C2CD2: variants seen among roughly 807,000 people sequenced by gnomAD.
The protein encoded by C2CD2 is C2 calcium dependent domain containing 2.
A neutral mutation model predicts 74.3 loss-of-function variants in C2CD2; 43 were observed. That is an observed-to-expected ratio of 0.58 (90% CI 0.45 to 0.75). C2CD2 has a LOEUF of 0.75. C2CD2 is among the 30% of genes least tolerant of loss of function. The probability of loss-of-function intolerance (pLI) is 0.00; values close to 1 mark genes in which losing one functional copy is unlikely to be tolerated. For synonymous variants in C2CD2, 422 were observed against 390.7 expected, an observed-to-expected ratio of 1.08 and a Z score of -0.94; for missense variants, 801 against 916.3, an observed-to-expected ratio of 0.87 and a Z score of 1.63.
chr21:41,920,991 G>A (rs1193091503), intron 3 of C2CD2, among the ~76,000 whole-genome samples: 1 of 152,200 alleles, frequency 6.6e-6, no homozygotes, highest in African/African-American at 2.4e-5. Context: ...AATCCACGAT[G>A]CCAACTCTTC....
chr21:41,942,406 C>G (rs1247411470), intron 1 of C2CD2, among the ~76,000 whole-genome samples, 161 bp from the exon 2 acceptor site: 1 of 152,184 alleles, frequency 6.6e-6, no homozygotes, highest in Admixed American at 6.5e-5. Flanking sequence ...ATCAGGAGCT[C>G]TGCACATCCA....
intron 2 of C2CD2, among the ~76,000 whole-genome samples, chr21:41,922,506 A>T (rs1211337558): frequency 6.6e-5 from 9 of 137,340 alleles, no homozygotes; most frequent in African/African-American, 2.5e-4. Context: ...ACGGAGTCTC[A>T]CTCTGTCACC....
At chr21:41,900,248 T>C (rs989267612) in intron 12 of C2CD2, among the ~76,000 whole-genome samples, 2 of 152,256 alleles carry the variant, frequency 1.3e-5, no homozygotes, top group Admixed American at 1.3e-4. Flanking sequence ...CACTCCAGCC[T>C]GGGTGACAGA....
chr21:41,896,857 T>C (rs1601547725), intron 13 of C2CD2, among the ~76,000 whole-genome samples: 1 of 152,308 alleles, frequency 6.6e-6, no homozygotes, highest in East Asian at 1.9e-4. Context: ...CTCACAGAGA[T>C]GCTAATTACA....
chr21:41,909,473 C>T lies in C2CD2; in HGVS notation c.1004G>A (p.Gly335Glu). 6.2e-7 allele frequency: 1 copy of T among 1,613,670 alleles called. No individual in the cohort carries two copies. Residue 335 changes from glycine (G) to glutamate (E), a missense_variant, in exon 8 of 14, where the codon GGG (glycine) becomes GAG (glutamate). Transcript: ENST00000380486. ...GCTCAACCCACCTTCTGAGGATCGC[C>T]CAGCCTCTGAAATCTGCAGGTGTAA... Reference protein sequence around the residue: ...KELHLQISEAGRSSEGLLATA... With the variant: ...KELHLQISEAERSSEGLLATA...
Position 41,924,694 on chromosome 21 carries a change from TA to T in C2CD2, c.379-2610del, listed in dbSNP as rs2065190263. 7.2e-6 allele frequency among the ~76,000 whole-genome samples: 1 copy of T among 139,142 alleles called. No homozygotes were observed. The highest frequency in any genetic ancestry group is 6.9e-5 in the Admixed American group (1 of 14,492). The allele number at this position is 139,142 out of a possible 152,430, so 91.3% of individuals were successfully genotyped here. A position where few individuals can be genotyped will look rare whatever the true frequency, so the allele number is the denominator to read the frequency against. On this transcript the variant is annotated intron_variant, in intron 2 of 13. Transcript: ENST00000380486. The surrounding 1 kb of genome is among the most constrained non-coding windows in gnomAD (Gnocchi z 4.4). ...AGCCCACTCCTTTTACTGCTTAAAG[TA>T]AAAAATAAAAAATAAAAATAAATTT...
intron 12 of C2CD2, 24 bp downstream of exon 12, chr21:41,901,598 C>T (rs1417416706): frequency 6.2e-7 from 1 of 1,613,850 alleles, no homozygotes; most frequent in African/African-American, 1.3e-5. Flanking sequence ...CAGATGAACA[C>T]CTCCCCAGCC....
At chr21:41,915,876 C>T (rs1316188212) in intron 5 of C2CD2, among the ~76,000 whole-genome samples, 1 of 152,168 alleles carries the variant, frequency 6.6e-6, no homozygotes, top group Admixed American at 6.5e-5. Flanking sequence ...TCGTTGCAAG[C>T]ATTCAGGGAC....
intron 2 of C2CD2, among the ~76,000 whole-genome samples, chr21:41,922,437 T>C (rs983312487): frequency 1.3e-5 from 2 of 151,402 alleles, no homozygotes; most frequent in African/African-American, 4.9e-5. Flanking sequence ...AGTGCTGGGA[T>C]TGCAGGCATG....
At chr21:41,941,820 T>C (rs965286879) in intron 2 of C2CD2, among the ~76,000 whole-genome samples, 1 of 152,190 alleles carries the variant, frequency 6.6e-6, no homozygotes, top group African/African-American at 2.4e-5. Flanking sequence ...CTCTGCAGGT[T>C]TATCTATTCT....
chr21:41,940,019 T>C (rs1452676248), intron 2 of C2CD2, among the ~76,000 whole-genome samples: 1 of 152,166 alleles, frequency 6.6e-6, no homozygotes, highest in African/African-American at 2.4e-5. Flanking sequence ...CTGAAACTTT[T>C]TGAGGGCCAA....
rs555418907 is a variant in C2CD2 at position 41,918,729 on chromosome 21, G to A, written c.597+127C>T. 15 of 719,068 alleles carry A rather than the reference G, an allele frequency of 2.1e-5. No homozygotes were observed. The East Asian group carries it at 3.9e-4, about 19-fold the overall frequency. 44.5% of individuals were successfully genotyped at this position (719,068 alleles called of 1,614,324 possible). A position where few individuals can be genotyped will look rare whatever the true frequency, so the allele number is the denominator to read the frequency against. On this transcript the variant is annotated intron_variant, in intron 4 of 13. Coordinates refer to ENST00000380486, the MANE Select transcript of C2CD2 (RefSeq NM_015500.2). ...CCTGAGAGGCCCAAGCCAGCCCCAG[G>A]AGGAGTGGCTGGGACAGGGAAGGAG...
At position 41,948,881 on chromosome 21, in the gene C2CD2, TTTTTTTTTTTTC is replaced by T. The variant is rs956708997; in HGVS notation, c.279+4477_279+4488del. Among the ~76,000 whole-genome samples the T allele has an allele frequency of 5.9e-4, 78 of 131,364 alleles. 1 individual carries two copies. The highest frequency in any genetic ancestry group is 2.2e-3 in the East Asian group (11 of 5,114). 86.2% of individuals were successfully genotyped at this position (131,364 alleles called of 152,430 possible). A position where few individuals can be genotyped will look rare whatever the true frequency, so the allele number is the denominator to read the frequency against. ...AGTCCACACAGCATCTTTTTTTTTTTTTTTTTTTTTTCTTTTTTTTTACAAAGACCATAATGA... is the reference window on the plus strand; with the variant it reads ...AGTCCACACAGCATCTTTTTTTTTTTTTTTTTTTTACAAAGACCATAATGA... On this transcript the variant is annotated intron_variant, in intron 1 of 13. Transcript: ENST00000380486.
chr21:41,948,210 G>C (rs946020300), intron 1 of C2CD2, among the ~76,000 whole-genome samples: 18 of 152,224 alleles, frequency 1.2e-4, no homozygotes, highest in African/African-American at 4.1e-4. Context: ...ATGGGGGAAT[G>C]GGCATCACCA....
intron 12 of C2CD2, among the ~76,000 whole-genome samples, chr21:41,900,579 C>T (rs535913892): frequency 2.6e-5 from 4 of 152,304 alleles, no homozygotes; most frequent in East Asian, 1.9e-4. Flanking sequence ...GCCTCTGGGA[C>T]GTGGGGCAAG....
At position 41,953,481 on chromosome 21, in the gene C2CD2, C is replaced by G; in HGVS notation, c.168G>C (p.Pro56=). 1 of 1,481,180 alleles carries G rather than the reference C, an allele frequency of 6.8e-7. No homozygotes were observed. The highest frequency in any genetic ancestry group is 9.0e-7 in the Non-Finnish European group (1 of 1,113,594). 91.8% of individuals were successfully genotyped at this position (1,481,180 alleles called of 1,614,324 possible). A position where few individuals can be genotyped will look rare whatever the true frequency, so the allele number is the denominator to read the frequency against. ...AGAGCAGCGCGTCGGACCCCGGGCG[C>G]GGCCCCTCTCCAGGCTCCACCGCCC... is the stretch of plus-strand genomic sequence containing the variant. The part of the protein sequence containing the change: ...QRRAVEPGEG[P]RPGSDALLSW... Residue 56 remains proline, a synonymous_variant, in exon 1 of 14, where the codon CCG becomes CCC. Transcript: ENST00000380486.
chr21:41,898,386 G>A (rs1017059733), intron 13 of C2CD2, among the ~76,000 whole-genome samples: 3 of 152,198 alleles, frequency 2.0e-5, no homozygotes, highest in African/African-American at 7.2e-5. Context: ...CAAGCCCCTA[G>A]ACTATATGTC....
At chr21:41,950,492 CAGG>C (rs1185521943) in intron 1 of C2CD2, among the ~76,000 whole-genome samples, 2 of 152,254 alleles carry the variant, frequency 1.3e-5, no homozygotes, top group Admixed American at 6.5e-5. Context: ...CATCAGAGAG[CAGG>C]AGGACTCCTC....
At chr21:41,906,353 C>T (rs557029951) in intron 10 of C2CD2, among the ~76,000 whole-genome samples, 4 of 152,182 alleles carry the variant, frequency 2.6e-5, no homozygotes, top group South Asian at 2.1e-4. Context: ...TAATAGAGTT[C>T]GTGTTTTGTT....
Sources: gnomAD v4.1 joint callset for allele counts (sites outside exome capture counted in the v4.1 genomes callset) on GRCh38, gnomAD v4.1.1 for gene constraint, Gnocchi (gnomAD v3.1) non-coding constraint, MANE v1.5 for transcripts, NCBI Gene and HGNC (gene_info 2026-07-23, HGNC 2026-07-21) for gene names.